SESTD1: variants seen among roughly 807,000 people sequenced by gnomAD.
The protein encoded by SESTD1 is SEC14 domain and spectrin repeat-containing protein 1.
A neutral mutation model predicts 101.7 loss-of-function variants in SESTD1; 43 were observed. The observed-to-expected ratio is 0.42, with a 90% confidence interval of 0.33 to 0.55. SESTD1 has a LOEUF of 0.55. Ranked by LOEUF, SESTD1 falls within the 20% of genes least tolerant of loss-of-function variation. The pLI, the probability that SESTD1 is intolerant of heterozygous loss-of-function variation, is 0.07. For synonymous variants in SESTD1, 283 were observed against 286.8 expected, an observed-to-expected ratio of 0.99 and a Z score of 0.13; for missense variants, 647 against 815.1, an observed-to-expected ratio of 0.79 and a Z score of 2.51.
intron 9 of SESTD1, among the ~76,000 whole-genome samples, chr2:179,140,044 T>C (rs1403156428): frequency 6.6e-6 from 1 of 152,236 alleles, no homozygotes; most frequent in Non-Finnish European, 1.5e-5. Context: ...GAATCCCTTC[T>C]ATTGTGCTTT....
intron 5 of SESTD1, among the ~76,000 whole-genome samples, chr2:179,164,537 T>A (rs530823362): frequency 1.3e-5 from 2 of 152,164 alleles, no homozygotes; most frequent in Non-Finnish European, 2.9e-5. Flanking sequence ...CCTATCATAG[T>A]CACCAGGTAC....
Position 179,109,709 on chromosome 2 carries a change from G to A in SESTD1, c.*190C>T. ...TCTTTTAAGATACTTGGAATCTACA[G>A]CCTCGAAGCATGTTAAGTAATTATG... On this transcript the variant is annotated 3_prime_UTR_variant, in exon 18 of 18. Coordinates refer to ENST00000428443, the MANE Select transcript of SESTD1 (RefSeq NM_178123.5). The A allele has an allele frequency of 1.6e-6, 1 of 636,576 alleles. No homozygotes were observed. The highest frequency in any genetic ancestry group is 2.7e-5 in the South Asian group (1 of 36,478). The allele number at this position is 636,576 out of a possible 1,614,324, so 39.4% of individuals were successfully genotyped here.
At chr2:179,249,143 C>A in intron 1 of SESTD1, among the ~76,000 whole-genome samples, 1 of 137,770 alleles carries the variant, frequency 7.3e-6, no homozygotes, top group African/African-American at 2.7e-5. Flanking sequence ...TTTCACCAAT[C>A]TTTTCAGTAC....
chr2:179,146,544 C>T, intron 7 of SESTD1, 87 bp from the exon 8 acceptor site: 1 of 1,091,566 alleles, frequency 9.2e-7, no homozygotes, highest in Non-Finnish European at 1.4e-6. Flanking sequence ...AAAAACAGAA[C>T]AGGGGCACAA....
In SESTD1 at chr2:179,102,636, C is replaced by T. The variant is rs1175414966; in HGVS notation, c.*7263G>A. 1 of 151,964 alleles carries T rather than the reference C, an allele frequency of 6.6e-6. No individual in the cohort carries two copies. Among genetic ancestry groups the T allele is most frequent in the African/African-American group, 2.4e-5 (1 of 41,370 alleles). 9.4% of individuals were successfully genotyped at this position (151,964 alleles called of 1,614,324 possible). A position where few individuals can be genotyped will look rare whatever the true frequency, so the allele number is the denominator to read the frequency against. On this transcript the variant is annotated 3_prime_UTR_variant, in exon 18 of 18. Transcript: ENST00000428443. ...AATAGGAAAAATCGAATAAACCATA[C>T]ATATTTTTGAAAATGAGCATTAGAA... is the stretch of plus-strand genomic sequence containing the variant.
intron 2 of SESTD1, among the ~76,000 whole-genome samples, chr2:179,185,577 C>CTATATTATATATTG (rs1553522108): frequency 7.0e-5 from 9 of 127,684 alleles, no homozygotes; most frequent in African/African-American, 2.8e-4. Context: ...ATATAATATA[C>CTATATTATATATTG]TATATTATAT....
rs1046512012 is a variant in SESTD1, at chr2:179,168,049, G to A, written c.369+4071C>T. 2.6e-5 allele frequency among the ~76,000 whole-genome samples: 4 copies of A among 152,062 alleles called. No individual in the cohort carries two copies. The South Asian group carries it at 8.3e-4, about 32-fold the overall frequency. Reference sequence around the variant, plus strand: ...AAGTGCTGGGATTTCAAGAGCCACCGCACCCGGTGAGAAAGCACTTCTAAA... The same window carrying A: ...AAGTGCTGGGATTTCAAGAGCCACCACACCCGGTGAGAAAGCACTTCTAAA... On this transcript the variant is annotated intron_variant, in intron 5 of 17. Coordinates refer to ENST00000428443, the MANE Select transcript of SESTD1 (RefSeq NM_178123.5).
At chr2:179,205,126 TGGA>T (rs1331602008) in intron 1 of SESTD1, among the ~76,000 whole-genome samples, 2 of 133,320 alleles carry the variant, frequency 1.5e-5, no homozygotes, top group Non-Finnish European at 3.2e-5. Flanking sequence ...TTTTAATCAG[TGGA>T]GAAAGTTGGT....
In SESTD1 at chr2:179,185,527, T is replaced by C. The variant is rs1226493692; in HGVS notation, c.56-2339A>G. ...ATCGTATATTGTATATTATATATTG[T>C]ATATATGTAATATATGATATGTACA... On this transcript the variant is annotated intron_variant, in intron 2 of 17. Transcript: ENST00000428443. 6.6e-5 allele frequency among the ~76,000 whole-genome samples: 9 copies of C among 137,372 alleles called. No individual in the cohort carries two copies. The South Asian group carries it at 2.0e-3, about 30-fold the overall frequency. 90.1% of individuals were successfully genotyped at this position (137,372 alleles called of 152,430 possible).
chr2:179,181,613 T>C (rs1200176931), intron 3 of SESTD1, among the ~76,000 whole-genome samples: 1 of 152,126 alleles, frequency 6.6e-6, no homozygotes, highest in South Asian at 2.1e-4. Context: ...TGGACTCTCA[T>C]CCCAGCTGTG....
In SESTD1 at chr2:179,252,304, T is replaced by C. The variant is rs1246234540; in HGVS notation, c.-26+12195A>G. Among the ~76,000 whole-genome samples, 3 of 152,248 alleles carry C rather than the reference T, an allele frequency of 2.0e-5. No homozygotes were observed. The East Asian group carries it at 5.8e-4, about 29-fold the overall frequency. ...GGGATATAAATCCTAAATTATAAAG[T>C]AGTAGTGGCTTACGCCTCACCATAA... On this transcript the variant is annotated intron_variant, in intron 1 of 17. Transcript: ENST00000428443.
At chr2:179,201,008 T>G (rs2046503370) in intron 1 of SESTD1, among the ~76,000 whole-genome samples, 1 of 133,988 alleles carries the variant, frequency 7.5e-6, no homozygotes. Context: ...GGAGAAAATT[T>G]TCGCAACCTA....
chr2:179,232,089 A>C (rs1031405111), intron 1 of SESTD1, among the ~76,000 whole-genome samples: 1 of 152,074 alleles, frequency 6.6e-6, no homozygotes, highest in African/African-American at 2.4e-5. Context: ...ATCAATATTG[A>C]CCAAAAAAAG....
At chr2:179,187,205 T>C (rs1266078434) in intron 2 of SESTD1, among the ~76,000 whole-genome samples, 16 of 152,138 alleles carry the variant, frequency 1.1e-4, no homozygotes, top group Admixed American at 1.0e-3. Flanking sequence ...AACTACGCAA[T>C]TGAGACTACA....
chr2:179,133,341 GAATAATGTTTACTATAAGC>G (rs753110451), intron 9 of SESTD1, among the ~76,000 whole-genome samples: 1 of 152,088 alleles, frequency 6.6e-6, no homozygotes, highest in African/African-American at 2.4e-5. Context: ...TCCAGATCTG[GAATAATGTTTACTATAAGC>G]AATATTGCCT....
intron 1 of SESTD1, among the ~76,000 whole-genome samples, chr2:179,239,259 T>TTCATCTTTA: frequency 6.6e-6 from 1 of 152,162 alleles, no homozygotes; most frequent in Non-Finnish European, 1.5e-5. Flanking sequence ...TTTGAGAGAA[T>TTCATCTTTA]AATCCTGAAT....
At chr2:179,116,437 C>T (rs1221266087) in intron 15 of SESTD1, 1 of 578,900 alleles carries the variant, frequency 1.7e-6, no homozygotes, top group African/African-American at 1.9e-5. Flanking sequence ...TGCCGTAATA[C>T]ATAGCATAAA....
At position 179,142,063 on chromosome 2, in the gene SESTD1, G is replaced by A. The variant is rs574168966; in HGVS notation, c.849+1529C>T. 4.6e-5 allele frequency among the ~76,000 whole-genome samples: 7 copies of A among 152,034 alleles called. No individual in the cohort carries two copies. The East Asian group carries it at 7.7e-4, about 17-fold the overall frequency. On this transcript the variant is annotated intron_variant, in intron 9 of 17. Transcript: ENST00000428443. Reference sequence around the variant, plus strand: ...TTGATGCTCTAATTTGAGAAGCCACGAACTAGATCAATTGTGCAGGCCAAT... The same window carrying A: ...TTGATGCTCTAATTTGAGAAGCCACAAACTAGATCAATTGTGCAGGCCAAT...
chr2:179,109,439 A>G lies in SESTD1; in HGVS notation c.*460T>C. On this transcript the variant is annotated 3_prime_UTR_variant, in exon 18 of 18. Coordinates refer to ENST00000428443, the MANE Select transcript of SESTD1 (RefSeq NM_178123.5). ...TTCTCTGTATTGACACAATAAAAATAATCAATTCTGAAGAATTACAAAGTA... is the reference window on the plus strand; with the variant it reads ...TTCTCTGTATTGACACAATAAAAATGATCAATTCTGAAGAATTACAAAGTA... The G allele has an allele frequency of 3.0e-6, 1 of 338,822 alleles. No homozygotes were observed. The highest frequency in any genetic ancestry group is 4.4e-5 in the East Asian group (1 of 22,854). The allele number at this position is 338,822 out of a possible 1,614,324, so 21.0% of individuals were successfully genotyped here. A position where few individuals can be genotyped will look rare whatever the true frequency, so the allele number is the denominator to read the frequency against.
Sources: gnomAD v4.1 joint callset for allele counts (sites outside exome capture counted in the v4.1 genomes callset) on GRCh38, gnomAD v4.1.1 for gene constraint, MANE v1.5 for transcripts, NCBI Gene and HGNC (gene_info 2026-07-23, HGNC 2026-07-21) for gene names.